Variants in TMEM65 observed in about 807,000 individuals in gnomAD.
The protein encoded by TMEM65 is transmembrane protein 65.
TMEM65 carries 22 observed loss-of-function variants against 25.4 expected under a neutral mutation model. The observed-to-expected ratio is 0.86, with a 90% CI of 0.62 to 1.23. TMEM65 has a LOEUF of 1.23. Ranked by LOEUF, TMEM65 falls within the 50% of genes most tolerant of loss-of-function variation. The probability of loss-of-function intolerance (pLI) is 0.00; values close to 1 mark genes in which losing one functional copy is unlikely to be tolerated. For missense variants in TMEM65, 262 were observed against 308.2 expected, an observed-to-expected ratio of 0.85 and a Z score of 1.12; for synonymous variants, 132 against 126.2, an observed-to-expected ratio of 1.05 and a Z score of -0.31.
intron 1 of TMEM65, among the ~76,000 whole-genome samples, chr8:124,360,872 C>G (rs1478895531): frequency 6.6e-6 from 1 of 152,172 alleles, no homozygotes; most frequent in Non-Finnish European, 1.5e-5. Context: ...AGATCTGCTT[C>G]TGTGTGTCTA....
intron 1 of TMEM65, among the ~76,000 whole-genome samples, chr8:124,343,611 CTG>C (rs1241860749): frequency 1.3e-5 from 2 of 152,110 alleles, no homozygotes; most frequent in African/African-American, 2.4e-5. Context: ...ACTCTTCAGA[CTG>C]TATACCAATC....
intron 1 of TMEM65, among the ~76,000 whole-genome samples, chr8:124,339,860 G>GAA (rs111956737): frequency 0.033 from 4,908 of 148,326 alleles, 253 homozygotes; most frequent in African/African-American, 0.11. Flanking sequence ...TGTATTTTTG[G>GAA]AAAAAAAAAA....
chr8:124,360,938 G>C (rs571245423), intron 1 of TMEM65, among the ~76,000 whole-genome samples: 1 of 152,156 alleles, frequency 6.6e-6, no homozygotes, highest in Non-Finnish European at 1.5e-5. Context: ...AAATTAAATA[G>C]GACTGGCTTC....
intron 1 of TMEM65, among the ~76,000 whole-genome samples, chr8:124,357,964 G>A (rs2131224718): frequency 6.6e-6 from 1 of 150,892 alleles, no homozygotes; most frequent in Admixed American, 6.6e-5. Context: ...TGAGTAGCTT[G>A]GATTACAGGC....
In TMEM65 at chr8:124,364,403, T is replaced by C. The variant is rs150906558; in HGVS notation, c.304+7451A>G. The stretch of plus-strand genomic sequence containing the variant: ...GCAGACTAAGCCCAGCACATTTCAC[T>C]ACCACTATGACAGAGTCTAAAAAGC... On this transcript the variant is annotated intron_variant, in intron 1 of 6. Transcript: ENST00000297632. Among the ~76,000 whole-genome samples, 35 of 152,330 alleles carry C rather than the reference T, an allele frequency of 2.3e-4. No individual in the cohort carries two copies. The East Asian group carries it at 6.2e-3, about 27-fold the overall frequency.
intron 1 of TMEM65, among the ~76,000 whole-genome samples, chr8:124,345,743 T>TTATTTATTTATG (rs1475048897): frequency 6.6e-6 from 1 of 151,832 alleles, no homozygotes; most frequent in Non-Finnish European, 1.5e-5. Context: ...TATTATTTAT[T>TTATTTATTTATG]TATTTATTTA....
At chr8:124,327,496 T>A in intron 2 of TMEM65, 75 bp from the exon 3 acceptor site, 1 of 959,372 alleles carries the variant, frequency 1.0e-6, no homozygotes, top group Non-Finnish European at 1.6e-6. Context: ...GATGATATGA[T>A]CAAAGTATCC....
At chr8:124,337,842 C>G (rs1272113307) in intron 1 of TMEM65, among the ~76,000 whole-genome samples, 1 of 151,878 alleles carries the variant, frequency 6.6e-6, no homozygotes, top group Non-Finnish European at 1.5e-5. Context: ...ATTAAACAAG[C>G]CATTTTTATA....
chr8:124,350,118 C>CAGTGTG (rs1814688002), intron 1 of TMEM65, among the ~76,000 whole-genome samples: 1 of 59,248 alleles, frequency 1.7e-5, no homozygotes, highest in African/African-American at 7.2e-5. Flanking sequence ...ACTAATACAT[C>CAGTGTG]AGTGTGTGTG....
At chr8:124,369,638 C>G (rs1485468096) in intron 1 of TMEM65, among the ~76,000 whole-genome samples, 1 of 152,142 alleles carries the variant, frequency 6.6e-6, no homozygotes, top group Admixed American at 6.5e-5. Flanking sequence ...GGGAGTTTTT[C>G]ATTTATCTGG....
rs551677492 is a variant in TMEM65, at chr8:124,312,333, T to C, written c.*1627A>G. The C allele has an allele frequency of 6.6e-6, 1 of 152,156 alleles. No homozygotes were observed. Among genetic ancestry groups the C allele is most frequent in the African/African-American group, 2.4e-5 (1 of 41,568 alleles). 9.4% of individuals were successfully genotyped at this position (152,156 alleles called of 1,614,324 possible). A position where few individuals can be genotyped will look rare whatever the true frequency, so the allele number is the denominator to read the frequency against. On this transcript the variant is annotated 3_prime_UTR_variant, in exon 7 of 7. Coordinates refer to ENST00000297632, the MANE Select transcript of TMEM65 (RefSeq NM_194291.3). ...ATTTATTTTTAGATTATATGCTATA[T>C]TTTTATGCTTTCTCTCCTCAAAGTC...
chr8:124,372,452 C>T lies in TMEM65; in HGVS notation c.-295G>A. ...AGGGCGGGCGGTCGGTGCGGGCGGG[C>T]GCCTCCCGGCTGAGGAGGAGCGGCG... On this transcript the variant is annotated 5_prime_UTR_variant, in exon 1 of 7. Transcript: ENST00000297632. 6.3e-6 allele frequency: 1 copy of T among 159,760 alleles called. No homozygotes were observed. The highest frequency in any genetic ancestry group is 1.4e-5 in the Non-Finnish European group (1 of 72,876). The allele number at this position is 159,760 out of a possible 1,614,324, so 9.9% of individuals were successfully genotyped here.
chr8:124,322,177 C>T, intron 4 of TMEM65, 30 bp from the exon 5 acceptor site: 1 of 1,526,234 alleles, frequency 6.6e-7, no homozygotes, highest in Non-Finnish European at 9.0e-7. Flanking sequence ...ATAATTGTTA[C>T]ATAAAAGAAT....
chr8:124,325,209 G>A (rs1262050824), intron 3 of TMEM65, among the ~76,000 whole-genome samples: 1 of 151,806 alleles, frequency 6.6e-6, no homozygotes, highest in Non-Finnish European at 1.5e-5. Flanking sequence ...TAAAAAAAAA[G>A]AAGAATCAAC....
At chr8:124,336,445 A>G (rs1814507178) in intron 1 of TMEM65, among the ~76,000 whole-genome samples, 1 of 152,044 alleles carries the variant, frequency 6.6e-6, no homozygotes, top group Admixed American at 6.5e-5. Flanking sequence ...CTCAAAATAG[A>G]ACATATGCTG....
intron 6 of TMEM65, among the ~76,000 whole-genome samples, chr8:124,319,047 C>T (rs949126114): frequency 6.6e-6 from 1 of 152,102 alleles, no homozygotes; most frequent in Non-Finnish European, 1.5e-5. Context: ...GAAATAAGAT[C>T]TTATTTTGTT....
At chr8:124,367,555 C>G (rs527889427) in intron 1 of TMEM65, among the ~76,000 whole-genome samples, 21 of 152,248 alleles carry the variant, frequency 1.4e-4, no homozygotes, top group African/African-American at 4.8e-4. Context: ...TAAGGATAAT[C>G]TTGTTAAAGG....
chr8:124,352,597 C>G (rs767036727), intron 1 of TMEM65, among the ~76,000 whole-genome samples: 9 of 151,986 alleles, frequency 5.9e-5, no homozygotes, highest in Admixed American at 2.0e-4. Flanking sequence ...GGGAGACAGA[C>G]TCCTAGAAGA....
At chr8:124,320,032 A>G in intron 6 of TMEM65, 54 bp downstream of exon 6, 1 of 1,441,954 alleles carries the variant, frequency 6.9e-7, no homozygotes, top group East Asian at 2.3e-5. Context: ...TGAACTATAC[A>G]GAATCTTGCT....
Sources: allele counts gnomAD v4.1 joint callset (sites outside exome capture counted in the v4.1 genomes callset), GRCh38; gene constraint gnomAD v4.1.1; transcripts MANE v1.5; gene names NCBI Gene and HGNC (gene_info 2026-07-23, HGNC 2026-07-21).